Variants in PNPLA6 observed in about 807,000 individuals in gnomAD.
The protein encoded by PNPLA6 is patatin like domain 6, lysophospholipase, also known as patatin-like phospholipase domain-containing protein 6.
PNPLA6 carries 105 observed loss-of-function variants against 153.7 expected under a neutral mutation model. The observed-to-expected ratio is 0.68, with a 90% CI of 0.58 to 0.80. PNPLA6 has a LOEUF of 0.80. Among genes scored for constraint, PNPLA6 ranks in the 30% least tolerant of loss-of-function variants. PNPLA6 has a pLI of 0.00. For missense variants in PNPLA6, 1,423 were observed against 1,919.3 expected, an observed-to-expected ratio of 0.74 and a Z score of 4.83; for synonymous variants, 825 against 822.2, an observed-to-expected ratio of 1.00 and a Z score of -0.06.
intron 1 of PNPLA6, 69 bp from the exon 2 acceptor site, chr19:7,536,122 G>T: frequency 6.5e-7 from 1 of 1,535,156 alleles, no homozygotes; most frequent in Non-Finnish European, 9.0e-7. Flanking sequence ...GTCTGTTCGC[G>T]GTACCCCAGC....
chr19:7,552,102 C>T (rs1007082076), intron 18 of PNPLA6, among the ~76,000 whole-genome samples: 3 of 152,134 alleles, frequency 2.0e-5, no homozygotes, highest in Non-Finnish European at 2.9e-5. Flanking sequence ...AGAGCTAGAA[C>T]CTGTTTCAGA....
At chr19:7,557,793 AAAAAAG>A (rs1279806091) in intron 27 of PNPLA6, among the ~76,000 whole-genome samples, 2 of 151,738 alleles carry the variant, frequency 1.3e-5, no homozygotes, top group South Asian at 2.1e-4. Context: ...CAAAAAAAAA[AAAAAAG>A]AAAGAAAGAA....
At chr19:7,557,801 AAG>A (rs1280532379) in intron 27 of PNPLA6, among the ~76,000 whole-genome samples, 2 of 150,712 alleles carry the variant, frequency 1.3e-5, no homozygotes, top group African/African-American at 5.0e-5. Context: ...AAAAAAAAGA[AAG>A]AAAGAAATCT....
chr19:7,556,914 G>A, intron 26 of PNPLA6, 190 bp downstream of exon 26: 1 of 688,646 alleles, frequency 1.5e-6, no homozygotes, highest in South Asian at 1.5e-5. Context: ...CTTGGGGGAG[G>A]GGAGCAGGGA....
chr19:7,560,895 G>T, intron 29 of PNPLA6, 119 bp from the exon 30 acceptor site: 1 of 853,348 alleles, frequency 1.2e-6, no homozygotes, highest in South Asian at 1.4e-5. Context: ...GACCTCTGCT[G>T]ACTTCAGAGA....
Position 7,542,938 on chromosome 19 carries a change from C to T in PNPLA6, c.1530+10C>T, listed in dbSNP as rs774240966. ...GCTGATGCGGATTGAGGTGGGCAGC[C>T]GAGGGGAGCTGGGCACAGGGCGCAA... On this transcript the variant is annotated intron_variant, in intron 12 of 31. Transcript: ENST00000600737. 1.2e-5 allele frequency: 20 copies of T among 1,613,620 alleles called. No individual in the cohort carries two copies. Among genetic ancestry groups the T allele is most frequent in the Middle Eastern group, 1.6e-4 (1 of 6,084 alleles).
In PNPLA6 at chr19:7,541,831, T is replaced by C. The variant is rs900577716; in HGVS notation, c.1168+147T>C. 2.7e-6 allele frequency: 3 copies of C among 1,113,682 alleles called. No homozygotes were observed. The highest frequency in any genetic ancestry group is 3.9e-6 in the Non-Finnish European group (3 of 760,762). The allele number at this position is 1,113,682 out of a possible 1,614,324, so 69.0% of individuals were successfully genotyped here. A position where few individuals can be genotyped will look rare whatever the true frequency, so the allele number is the denominator to read the frequency against. ...TAGCGGGGTACCCAGGTCTGACTCC[T>C]ATCTGGTACCGAGGAAGCTGTGGCC... On this transcript the variant is annotated intron_variant, in intron 9 of 31. Transcript: ENST00000600737. The surrounding 1 kb of genome is among the most constrained non-coding windows in gnomAD (Gnocchi z 5.2).
chr19:7,534,786 G>C (rs2022761346), upstream of PNPLA6: 1 of 152,644 alleles, frequency 6.6e-6, no homozygotes, highest in Non-Finnish European at 1.5e-5. Context: ...TCCCAGTGAT[G>C]CTCTGTGCCA....
intron 18 of PNPLA6, 118 bp downstream of exon 18, chr19:7,551,555 T>C: frequency 1.1e-6 from 1 of 904,856 alleles, no homozygotes; most frequent in Non-Finnish European, 1.8e-6. Context: ...GAAGAAATCG[T>C]GCCCCTGAGG....
At position 7,541,377 on chromosome 19, in the gene PNPLA6, A is replaced by ACTACCT; in HGVS notation, c.948_949insCTACCT (p.Arg316_Val317insLeuPro). The ACTACCT allele has an allele frequency of 6.2e-7, 1 of 1,613,928 alleles. No individual in the cohort carries two copies. Among genetic ancestry groups the ACTACCT allele is most frequent in the Non-Finnish European group, 8.5e-7 (1 of 1,179,936 alleles). On this transcript the variant is annotated inframe_insertion, in exon 8 of 32. Coordinates refer to ENST00000600737, the MANE Select transcript of PNPLA6 (RefSeq NM_001166114.2). The surrounding 1 kb of genome is among the most constrained non-coding windows in gnomAD (Gnocchi z 5.2). Reference sequence around the variant, plus strand: ...AGATCATCATGGTGCGGCTGCAGCGAGTCACCTTCCTGGCACTGCACAACT... The same window carrying ACTACCT: ...AGATCATCATGGTGCGGCTGCAGCGACTACCTGTCACCTTCCTGGCACTGCACAACT...
chr19:7,539,887 C>T (rs1216219462), intron 3 of PNPLA6, 31 bp from the exon 4 acceptor site: 8 of 1,466,228 alleles, frequency 5.5e-6, no homozygotes, highest in South Asian at 1.2e-5. Context: ...CCGTGCCCCC[C>T]TCACCCCCGG....
intron 13 of PNPLA6, among the ~76,000 whole-genome samples, chr19:7,546,394 C>T (rs930535220): frequency 6.6e-6 from 1 of 152,052 alleles, no homozygotes; most frequent in Non-Finnish European, 1.5e-5. Context: ...TTTGGAAGGC[C>T]GCGGCGGGAG....
At chr19:7,557,398 A>G (rs1599310034) in intron 27 of PNPLA6, 114 bp downstream of exon 27, 1 of 736,650 alleles carries the variant, frequency 1.4e-6, no homozygotes, top group East Asian at 2.6e-5. Flanking sequence ...CAAGCTGCCC[A>G]TGCAGGGGTG....
rs1300646815 is a variant in PNPLA6, at chr19:7,555,787, C to T, written c.3093+24C>T. 6.2e-7 allele frequency: 1 copy of T among 1,610,778 alleles called. No homozygotes were observed. The highest frequency in any genetic ancestry group is 1.1e-5 in the South Asian group (1 of 90,970). On this transcript the variant is annotated intron_variant, in intron 24 of 31. Transcript: ENST00000600737. This position sits in a 1 kb window ranked among gnomAD's most constrained non-coding sequence, Gnocchi z 6.3. ...AGGTGTGTGTTGCGAGGAGGGATTG[C>T]TGCACCCCAGGAGTGCCATAAAACC...
In PNPLA6 at chr19:7,543,103, C is replaced by T; in HGVS notation, c.1608+19C>T. ...AGACCAGGTGAGGCTGACCCCTGACCTGTAACCATGCCACCTGAGATCATT... is the reference window on the plus strand; with the variant it reads ...AGACCAGGTGAGGCTGACCCCTGACTTGTAACCATGCCACCTGAGATCATT... On this transcript the variant is annotated intron_variant, in intron 13 of 31. Coordinates refer to ENST00000600737, the MANE Select transcript of PNPLA6 (RefSeq NM_001166114.2). 6.2e-7 allele frequency: 1 copy of T among 1,606,660 alleles called. No individual in the cohort carries two copies. The highest frequency in any genetic ancestry group is 1.1e-5 in the South Asian group (1 of 90,916).
chr19:7,560,984 C>A (rs564259067), intron 29 of PNPLA6, 30 bp from the exon 30 acceptor site: 19 of 1,502,488 alleles, frequency 1.3e-5, no homozygotes, highest in Admixed American at 7.4e-5. Context: ...GTGGGCCCCC[C>A]CTAAGAGCCT....
chr19:7,549,439 G>T (rs2023544070), intron 13 of PNPLA6, among the ~76,000 whole-genome samples: 1 of 150,120 alleles, frequency 6.7e-6, no homozygotes, highest in Non-Finnish European at 1.5e-5. Flanking sequence ...GCCTGCCTCG[G>T]CCTCCCAAAG....
intron 13 of PNPLA6, among the ~76,000 whole-genome samples, chr19:7,544,410 C>A (rs1480925174): frequency 1.3e-5 from 2 of 152,212 alleles, no homozygotes; most frequent in African/African-American, 2.4e-5. Flanking sequence ...CTGTGCCCAG[C>A]CTACTGAGAC....
At chr19:7,553,051 T>C (rs1191248067) in intron 18 of PNPLA6, among the ~76,000 whole-genome samples, 3 of 127,612 alleles carry the variant, frequency 2.4e-5, no homozygotes, top group Non-Finnish European at 4.9e-5. Context: ...GTAAGTCACA[T>C]AGGGGCTAGG....
Sources: allele counts gnomAD v4.1 joint callset (sites outside exome capture counted in the v4.1 genomes callset), GRCh38; gene constraint gnomAD v4.1.1; non-coding constraint Gnocchi (gnomAD v3.1); transcripts MANE v1.5; gene names NCBI Gene and HGNC (gene_info 2026-07-23, HGNC 2026-07-21).